Variants in TAFA1 observed in about 807,000 individuals in gnomAD.
TAFA1 encodes chemokine-like protein TAFA-1.
TAFA1 carries 4 observed loss-of-function variants against 18.5 expected under a neutral mutation model. The ratio of observed to expected loss-of-function variants is 0.22; its 90% CI spans 0.11 to 0.49. The LOEUF (loss-of-function observed/expected upper bound fraction) is 0.49. TAFA1 is among the 20% of genes least tolerant of loss of function. The pLI is 0.98. For synonymous variants in TAFA1, 56 were observed against 55.2 expected (o/e 1.01, Z -0.06); for missense variants, 147 against 169.0 (o/e 0.87, Z 0.72).
intron 2 of TAFA1, among the ~76,000 whole-genome samples, chr3:68,362,046 T>C (rs926414280): frequency 2.4e-4 from 36 of 152,170 alleles, no homozygotes; most frequent in Non-Finnish European, 7.4e-5. Flanking sequence ...AAAATGTCTT[T>C]TACTTCTTTC....
At chr3:68,113,948 A>C (rs1269352956) in intron 2 of TAFA1, among the ~76,000 whole-genome samples, 1 of 130,468 alleles carries the variant, frequency 7.7e-6, no homozygotes, top group Non-Finnish European at 1.5e-5. Flanking sequence ...TCCGCCAACC[A>C]GGCTGGAGTG....
intron 2 of TAFA1, among the ~76,000 whole-genome samples, chr3:68,165,304 A>C (rs962052650): frequency 2.0e-5 from 3 of 152,212 alleles, no homozygotes; most frequent in African/African-American, 7.2e-5. Flanking sequence ...AAACTGCCTA[A>C]TAAGCAACTC....
At chr3:68,431,820 T>C (rs1172655811) in intron 3 of TAFA1, among the ~76,000 whole-genome samples, 1 of 151,878 alleles carries the variant, frequency 6.6e-6, no homozygotes, top group African/African-American at 2.4e-5. Flanking sequence ...GCTGGGAGCG[T>C]CGGCAGACTC....
intron 3 of TAFA1, among the ~76,000 whole-genome samples, chr3:68,531,224 TG>T: frequency 6.6e-6 from 1 of 152,296 alleles, no homozygotes; most frequent in Non-Finnish European, 1.5e-5. Flanking sequence ...CGTATCCATG[TG>T]GGTCTGCAGC....
intron 2 of TAFA1, among the ~76,000 whole-genome samples, chr3:68,096,572 A>G (rs1214359604): frequency 6.6e-6 from 1 of 152,016 alleles, no homozygotes; most frequent in Non-Finnish European, 1.5e-5. Context: ...CATTAGCTAC[A>G]TTTTTCCAGC....
At chr3:68,401,235 C>A (rs1314174039) in intron 2 of TAFA1, among the ~76,000 whole-genome samples, 1 of 152,088 alleles carries the variant, frequency 6.6e-6, no homozygotes, top group East Asian at 1.9e-4. Flanking sequence ...AGGAGGGCTT[C>A]CTTGAGGAGG....
intron 2 of TAFA1, among the ~76,000 whole-genome samples, chr3:68,193,149 C>T (rs539173013): frequency 1.3e-5 from 2 of 151,786 alleles, no homozygotes; most frequent in South Asian, 4.1e-4. Context: ...AAAAAATAAG[C>T]TCCAAAGTAA....
At chr3:68,395,272 A>T (rs945666770) in intron 2 of TAFA1, among the ~76,000 whole-genome samples, 1 of 152,206 alleles carries the variant, frequency 6.6e-6, no homozygotes, top group African/African-American at 2.4e-5. Context: ...AATGGCAATT[A>T]TTAAAAAGTC....
chr3:68,544,578 A>G lies in TAFA1; in HGVS notation c.*75A>G, dbSNP rs186779058. On this transcript the variant is annotated 3_prime_UTR_variant, in exon 5 of 5. Transcript: ENST00000478136. ...TTTGAGAATCTCAAACATCTCACAT[A>G]TATACAAGCCAAATGGATTTCTTAC... 1.0e-5 allele frequency: 15 copies of G among 1,450,428 alleles called. No individual in the cohort carries two copies. Among genetic ancestry groups the G allele is most frequent in the Middle Eastern group, 1.7e-4 (1 of 5,742 alleles). The allele number at this position is 1,450,428 out of a possible 1,614,324, so 89.8% of individuals were successfully genotyped here. A position where few individuals can be genotyped will look rare whatever the true frequency, so the allele number is the denominator to read the frequency against.
chr3:68,374,082 T>C (rs1054094249), intron 2 of TAFA1, among the ~76,000 whole-genome samples: 1 of 152,146 alleles, frequency 6.6e-6, no homozygotes, highest in Non-Finnish European at 1.5e-5. Flanking sequence ...GGTGTCACCC[T>C]CCTCTTTGCA....
intron 3 of TAFA1, among the ~76,000 whole-genome samples, chr3:68,478,798 T>A (rs567057205): frequency 6.6e-6 from 1 of 152,124 alleles, no homozygotes; most frequent in South Asian, 2.1e-4. Flanking sequence ...GTGTTGTATA[T>A]GGAAATACCC....
intron 2 of TAFA1, among the ~76,000 whole-genome samples, chr3:68,300,850 A>G (rs2068291324): frequency 6.6e-6 from 1 of 152,126 alleles, no homozygotes; most frequent in Non-Finnish European, 1.5e-5. Context: ...CACCTTGTGA[A>G]AAAGGTGCCT....
Position 68,417,394 on chromosome 3 carries a change from C to G in TAFA1, c.233C>G (p.Thr78Arg), listed in dbSNP as rs1062725. 5 of 1,613,578 alleles carry G rather than the reference C, an allele frequency of 3.1e-6. No homozygotes were observed. The highest frequency in any genetic ancestry group is 1.7e-5 in the Admixed American group (1 of 59,990). ...CTACCTGGAAAAGTGGCTGGAACAACAAGAAACCGGCCTTCTTGCGTCGAT... is the reference window on the plus strand; with the variant it reads ...CTACCTGGAAAAGTGGCTGGAACAAGAAGAAACCGGCCTTCTTGCGTCGAT... ...SCLPGKVAGT[T>R]RNRPSCVDAS... is the part of the protein sequence containing the mutation. The change falls in exon 3 of 5, where the codon ACA (threonine) becomes AGA (arginine). Residue 78 changes from threonine (T) to arginine (R), a missense_variant. By Grantham distance (71) the Thr-to-Arg change is moderately conservative. Transcript: ENST00000478136.
chr3:68,527,524 C>T (rs1409171158), intron 3 of TAFA1, among the ~76,000 whole-genome samples: 1 of 152,092 alleles, frequency 6.6e-6, no homozygotes, highest in Non-Finnish European at 1.5e-5. Context: ...TTGTTAATTA[C>T]TTAATGGTTA....
intron 2 of TAFA1, among the ~76,000 whole-genome samples, chr3:68,409,537 T>A (rs2070673489): frequency 6.6e-6 from 1 of 152,160 alleles, no homozygotes; most frequent in Non-Finnish European, 1.5e-5. Flanking sequence ...CTTCACACTC[T>A]ACTATGATTG....
chr3:68,205,800 A>G (rs1035261002), intron 2 of TAFA1, among the ~76,000 whole-genome samples: 6 of 151,914 alleles, frequency 3.9e-5, no homozygotes, highest in Non-Finnish European at 5.9e-5. Context: ...TCTTCTTTAC[A>G]CTAATATGAA....
intron 2 of TAFA1, among the ~76,000 whole-genome samples, chr3:68,060,371 G>A (rs946849400): frequency 6.6e-6 from 1 of 152,148 alleles, no homozygotes; most frequent in Non-Finnish European, 1.5e-5. Context: ...TCCATGGGTA[G>A]AAACAAGCAA....
At chr3:68,372,784 A>G (rs2069736812) in intron 2 of TAFA1, among the ~76,000 whole-genome samples, 1 of 152,180 alleles carries the variant, frequency 6.6e-6, no homozygotes, top group Non-Finnish European at 1.5e-5. Flanking sequence ...TACATTTAGC[A>G]CTAAGAAAAA....
At chr3:68,265,421 T>C (rs2107211557) in intron 2 of TAFA1, among the ~76,000 whole-genome samples, 1 of 152,324 alleles carries the variant, frequency 6.6e-6, no homozygotes, top group African/African-American at 2.4e-5. Flanking sequence ...TCATTAAAGG[T>C]AATTTAGCAC....
Sources: gnomAD v4.1 joint callset for allele counts (sites outside exome capture counted in the v4.1 genomes callset) on GRCh38, gnomAD v4.1.1 for gene constraint, MANE v1.5 for transcripts, NCBI Gene and HGNC (gene_info 2026-07-23, HGNC 2026-07-21) for gene names.